The following THSD7B variants were observed in gnomAD, a reference collection of about 807,000 sequenced individuals.
The protein encoded by THSD7B is thrombospondin type 1 domain containing 7B.
A neutral mutation model predicts 213.6 loss-of-function variants in THSD7B; 138 were observed. The ratio of observed to expected loss-of-function variants is 0.65; its 90% CI spans 0.56 to 0.74. The LOEUF is 0.74. Ranked by LOEUF, THSD7B falls within the 30% of genes least tolerant of loss-of-function variation. The probability of loss-of-function intolerance (pLI) is 0.00; values close to 1 mark genes in which losing one functional copy is unlikely to be tolerated. For missense variants in THSD7B, 1,931 were observed against 1,991.5 expected (o/e 0.97, Z 0.58); for synonymous variants, 742 against 687.0 (o/e 1.08, Z -1.25).
At chr2:137,650,269 A>T (rs948532006) in intron 21 of THSD7B, among the ~76,000 whole-genome samples, 1 of 152,054 alleles carries the variant, frequency 6.6e-6, no homozygotes, top group African/African-American at 2.4e-5. Flanking sequence ...TTAGCGTTTT[A>T]TGCTTTTCCT....
intron 1 of THSD7B, among the ~76,000 whole-genome samples, chr2:136,794,493 G>A (rs891382168): frequency 6.6e-6 from 1 of 151,560 alleles, no homozygotes; most frequent in Non-Finnish European, 1.5e-5. Flanking sequence ...CAAAAAGTTG[G>A]TGGATTTTTC....
At chr2:136,856,742 C>G (rs903829512) in intron 1 of THSD7B, among the ~76,000 whole-genome samples, 1 of 152,136 alleles carries the variant, frequency 6.6e-6, no homozygotes, top group Non-Finnish European at 1.5e-5. Context: ...TCTTGAACTA[C>G]TGACCTCAGG....
intron 2 of THSD7B, among the ~76,000 whole-genome samples, chr2:136,917,811 GTCATAAAAAT>G (rs1183525237): frequency 6.6e-6 from 1 of 152,198 alleles, no homozygotes; most frequent in Non-Finnish European, 1.5e-5. Flanking sequence ...CATCATTAGA[GTCATAAAAAT>G]TCAAATGCGC....
chr2:137,234,455 G>A (rs1573902879), intron 9 of THSD7B, among the ~76,000 whole-genome samples: 1 of 152,158 alleles, frequency 6.6e-6, no homozygotes. Flanking sequence ...CAGATAGAGT[G>A]CAGACTGGCA....
chr2:137,105,808 G>C (rs1351461601), intron 4 of THSD7B, among the ~76,000 whole-genome samples: 3 of 152,116 alleles, frequency 2.0e-5, no homozygotes, highest in Admixed American at 6.5e-5. Flanking sequence ...GCTACAAAGA[G>C]AGTAAAATAC....
intron 10 of THSD7B, among the ~76,000 whole-genome samples, chr2:137,255,054 A>T (rs1268373153): frequency 6.6e-6 from 1 of 152,154 alleles, no homozygotes; most frequent in African/African-American, 2.4e-5. Flanking sequence ...AAGAATGTAA[A>T]CTTTGCAAGA....
chr2:136,990,653 A>T (rs571579334), intron 2 of THSD7B, among the ~76,000 whole-genome samples: 36 of 152,288 alleles, frequency 2.4e-4, no homozygotes, highest in African/African-American at 8.7e-4. Context: ...GCCTTATTTC[A>T]TAGGACATTT....
intron 15 of THSD7B, among the ~76,000 whole-genome samples, chr2:137,531,551 A>C (rs1431005066): frequency 1.3e-5 from 2 of 151,904 alleles, no homozygotes; most frequent in Non-Finnish European, 2.9e-5. Flanking sequence ...AAGCAGTAAA[A>C]TTGCATGGAA....
chr2:137,027,314 G>A (rs1339706924), intron 2 of THSD7B, among the ~76,000 whole-genome samples: 1 of 152,088 alleles, frequency 6.6e-6, no homozygotes, highest in Non-Finnish European at 1.5e-5. Context: ...TTTCCTCCAA[G>A]TAGTGATTTT....
At chr2:137,309,680 A>T (rs1181196429) in intron 12 of THSD7B, among the ~76,000 whole-genome samples, 1 of 151,520 alleles carries the variant, frequency 6.6e-6, no homozygotes, top group East Asian at 1.9e-4. Context: ...AACAGTCCCC[A>T]GAGTGTGATG....
chr2:137,534,880 G>A lies in THSD7B; in HGVS notation c.3139-28341G>A, dbSNP rs114747762. Among the ~76,000 whole-genome samples, 501 of 151,726 alleles carry A rather than the reference G, an allele frequency of 3.3e-3. 3 individuals are homozygous for A. The highest frequency in any genetic ancestry group is 0.011 in the African/African-American group (468 of 41,452). ...GAATGACTATTCACATCATGCTCTT[G>A]TTTAATTATAAAATTTCACAAGAAA... On this transcript the variant is annotated intron_variant, in intron 15 of 27. Transcript: ENST00000409968.
At chr2:137,090,189 CTTA>C (rs942895427) in intron 3 of THSD7B, among the ~76,000 whole-genome samples, 7 of 151,700 alleles carry the variant, frequency 4.6e-5, no homozygotes, top group South Asian at 2.1e-4. Flanking sequence ...AACATTTATA[CTTA>C]TTAATTATTA....
chr2:137,591,593 A>C (rs1454794712), intron 17 of THSD7B, among the ~76,000 whole-genome samples: 1 of 151,954 alleles, frequency 6.6e-6, no homozygotes, highest in East Asian at 1.9e-4. Context: ...ATATATATTG[A>C]AAAAATTGGT....
intron 1 of THSD7B, among the ~76,000 whole-genome samples, chr2:136,845,099 G>T (rs1682986309): frequency 6.6e-6 from 1 of 152,232 alleles, no homozygotes; most frequent in African/African-American, 2.4e-5. Context: ...AGGGAGAAAA[G>T]AACATGCTTT....
At chr2:136,878,601 A>T (rs1683563666) in intron 1 of THSD7B, among the ~76,000 whole-genome samples, 2 of 151,760 alleles carry the variant, frequency 1.3e-5, no homozygotes, top group Non-Finnish European at 1.5e-5. Context: ...CTTTTTAATG[A>T]TCGCCATTCT....
chr2:137,197,779 CAG>C (rs761170002), intron 7 of THSD7B, among the ~76,000 whole-genome samples: 4 of 152,150 alleles, frequency 2.6e-5, no homozygotes, highest in Admixed American at 1.3e-4. Flanking sequence ...GCACTTTGTT[CAG>C]AGAGTGTAGT....
intron 21 of THSD7B, among the ~76,000 whole-genome samples, chr2:137,654,555 C>G (rs1237590029): frequency 6.6e-6 from 1 of 152,082 alleles, no homozygotes; most frequent in Non-Finnish European, 1.5e-5. Flanking sequence ...GCACAGAAAC[C>G]ATGAGTAAAG....
intron 2 of THSD7B, among the ~76,000 whole-genome samples, chr2:136,960,514 A>G (rs947384481): frequency 1.3e-5 from 2 of 152,136 alleles, no homozygotes; most frequent in African/African-American, 2.4e-5. Context: ...AATACGGGGT[A>G]ACTGTGGGAG....
chr2:137,614,472 C>T (rs1344633828), intron 17 of THSD7B, among the ~76,000 whole-genome samples: 1 of 152,096 alleles, frequency 6.6e-6, no homozygotes, highest in African/African-American at 2.4e-5. Context: ...TAATTGATTA[C>T]TTTATAAGAT....
Sources: gnomAD v4.1 joint callset for allele counts (sites outside exome capture counted in the v4.1 genomes callset) on GRCh38, gnomAD v4.1.1 for gene constraint, MANE v1.5 for transcripts, NCBI Gene and HGNC (gene_info 2026-07-23, HGNC 2026-07-21) for gene names.